Variants in DYNC1I1 observed in about 807,000 individuals in gnomAD.
DYNC1I1 encodes dynein cytoplasmic 1 intermediate chain 1.
In DYNC1I1, 43 loss-of-function variants were observed where a neutral mutation model predicts 86.6. That is an observed-to-expected ratio of 0.50 (90% confidence interval 0.39 to 0.64). DYNC1I1 has a LOEUF of 0.64. Among genes scored for constraint, DYNC1I1 ranks in the 30% least tolerant of loss-of-function variants. The pLI, the probability that DYNC1I1 is intolerant of heterozygous loss-of-function variation, is 0.00. For missense variants in DYNC1I1, 604 were observed against 788.8 expected, an observed-to-expected ratio of 0.77 and a Z score of 2.81; for synonymous variants, 262 against 283.7, an observed-to-expected ratio of 0.92 and a Z score of 0.77.
chr7:95,798,071 G>A (rs755198200), intron 1 of DYNC1I1, among the ~76,000 whole-genome samples: 3 of 151,766 alleles, frequency 2.0e-5, no homozygotes, highest in Non-Finnish European at 4.4e-5. Context: ...CATGATTAAT[G>A]TTAATAGATA....
chr7:95,940,164 T>C (rs944015133), intron 6 of DYNC1I1, among the ~76,000 whole-genome samples: 3 of 152,226 alleles, frequency 2.0e-5, no homozygotes, highest in African/African-American at 7.2e-5. Flanking sequence ...TGCCGAGAGA[T>C]CCGCTGTTAG....
chr7:96,063,111 G>A (rs28487944), intron 14 of DYNC1I1, among the ~76,000 whole-genome samples: 59 of 127,810 alleles, frequency 4.6e-4, no homozygotes, highest in African/African-American at 2.0e-3. Flanking sequence ...ATATATATGT[G>A]TGTGTGTGTG....
At chr7:95,883,676 C>T (rs1238257281) in intron 6 of DYNC1I1, among the ~76,000 whole-genome samples, 1 of 152,082 alleles carries the variant, frequency 6.6e-6, no homozygotes, top group Non-Finnish European at 1.5e-5. Context: ...AATATGTTGG[C>T]AGTGAGAGAT....
intron 7 of DYNC1I1, among the ~76,000 whole-genome samples, chr7:95,980,406 G>T (rs1324863276): frequency 1.3e-5 from 2 of 151,844 alleles, no homozygotes; most frequent in African/African-American, 4.8e-5. Context: ...ATAGTAGTTA[G>T]GGCTGTGTCA....
In DYNC1I1 at chr7:96,080,435, G is replaced by C. The variant is rs1790479500; in HGVS notation, c.1723G>C (p.Glu575Gln). Residue 575 changes from glutamate to glutamine, a missense_variant, in exon 16 of 17, where the codon GAA (glutamate) becomes CAA (glutamine). Transcript: ENST00000447467. ...TGTTCGTTGGGCCCAAGCTGGCAAA[G>C]AAGTTGCTGTTGGGGACTCGGAAGG... is the stretch of plus-strand genomic sequence containing the variant. Reference protein sequence around the residue: ...NRVRWAQAGKEVAVGDSEGRI... With the variant: ...NRVRWAQAGKQVAVGDSEGRI... 6.2e-7 allele frequency: 1 copy of C among 1,614,210 alleles called. No individual in the cohort carries two copies. The highest frequency in any genetic ancestry group is 8.5e-7 in the Non-Finnish European group (1 of 1,180,030).
chr7:96,028,416 A>C lies in DYNC1I1; in HGVS notation c.1116+95A>C, dbSNP rs886175566. 6.9e-6 allele frequency: 10 copies of C among 1,456,226 alleles called. No homozygotes were observed. In the African/African-American group the frequency reaches 1.4e-4, roughly 20 times the overall value. 90.2% of individuals were successfully genotyped at this position (1,456,226 alleles called of 1,614,324 possible). A position where few individuals can be genotyped will look rare whatever the true frequency, so the allele number is the denominator to read the frequency against. Reference sequence around the variant, plus strand: ...AAGTATGGATGTTTTCAGTAATGCCAAGTTAGGAGGATCTACTTTATTATG... The same window carrying C: ...AAGTATGGATGTTTTCAGTAATGCCCAGTTAGGAGGATCTACTTTATTATG... On this transcript the variant is annotated intron_variant, in intron 11 of 16. Transcript: ENST00000447467.
intron 6 of DYNC1I1, among the ~76,000 whole-genome samples, chr7:95,920,719 A>G (rs927809297): frequency 2.6e-5 from 4 of 152,218 alleles, no homozygotes; most frequent in African/African-American, 9.6e-5. Context: ...TTGATTTTTA[A>G]GAGATGACTT....
chr7:96,004,879 A>C (rs1794103579), intron 10 of DYNC1I1, among the ~76,000 whole-genome samples: 1 of 152,232 alleles, frequency 6.6e-6, no homozygotes, highest in African/African-American at 2.4e-5. Flanking sequence ...TTTAGAATTC[A>C]TAGTTAATTC....
chr7:95,957,750 A>T (rs942675604), intron 6 of DYNC1I1, among the ~76,000 whole-genome samples: 12 of 152,150 alleles, frequency 7.9e-5, no homozygotes, highest in African/African-American at 2.4e-4. Flanking sequence ...TGATTGTGGG[A>T]TTTATAAGAA....
chr7:95,994,907 G>T (rs562321007), intron 9 of DYNC1I1, among the ~76,000 whole-genome samples: 101 of 152,224 alleles, frequency 6.6e-4, no homozygotes, highest in African/African-American at 2.4e-3. Context: ...GAAAGGTATT[G>T]AGGAAATAGG....
At chr7:96,076,481 G>C (rs1224666836) in intron 15 of DYNC1I1, among the ~76,000 whole-genome samples, 1 of 152,134 alleles carries the variant, frequency 6.6e-6, no homozygotes, top group Non-Finnish European at 1.5e-5. Context: ...TTCCCTATGG[G>C]ACAGGACACA....
At chr7:95,793,032 G>A (rs113972490) in intron 1 of DYNC1I1, among the ~76,000 whole-genome samples, 321 of 152,188 alleles carry the variant, frequency 2.1e-3, no homozygotes, top group African/African-American at 7.2e-3. Context: ...TTTAAACAGT[G>A]TTCTGTCACC....
At chr7:96,063,794 A>G (rs1789866602) in intron 14 of DYNC1I1, among the ~76,000 whole-genome samples, 1 of 152,248 alleles carries the variant, frequency 6.6e-6, no homozygotes, top group African/African-American at 2.4e-5. Flanking sequence ...AATTCCACCC[A>G]TAAGAGCTAA....
rs575352714 is a variant in DYNC1I1 at position 95,782,132 on chromosome 7, G to C, written c.-10+9359G>C. On this transcript the variant is annotated intron_variant, in intron 1 of 16. Coordinates refer to ENST00000447467, the MANE Select transcript of DYNC1I1 (RefSeq NM_001135556.2). ...CAATCCCTGTGGTAAATTGCATACT[G>C]CATATTAAACCTCCTGGAAGTGACA... 5.9e-5 allele frequency among the ~76,000 whole-genome samples: 9 copies of C among 152,258 alleles called. No homozygotes were observed. The East Asian group carries it at 1.7e-3, about 29-fold the overall frequency.
chr7:96,086,456 A>T (rs42070), intron 16 of DYNC1I1, among the ~76,000 whole-genome samples: 61,553 of 152,070 alleles, frequency 0.4, 13,360 homozygotes, highest in Non-Finnish European at 0.49. Flanking sequence ...TAAAATGGAA[A>T]CTTAAAAACC....
chr7:95,820,930 G>T (rs373355883), intron 4 of DYNC1I1, among the ~76,000 whole-genome samples: 2 of 152,322 alleles, frequency 1.3e-5, no homozygotes, highest in East Asian at 1.9e-4. Flanking sequence ...CAGTATGGAA[G>T]TGAGTCTGAA....
chr7:95,984,513 A>T (rs987587249), intron 7 of DYNC1I1, among the ~76,000 whole-genome samples: 1 of 150,042 alleles, frequency 6.7e-6, no homozygotes, highest in East Asian at 1.9e-4. Flanking sequence ...TTTTCAAGTT[A>T]AAAAAAACAT....
At chr7:96,034,783 T>C (rs373299778) in intron 12 of DYNC1I1, among the ~76,000 whole-genome samples, 2 of 152,294 alleles carry the variant, frequency 1.3e-5, no homozygotes, top group East Asian at 3.9e-4. Flanking sequence ...ACTCCTTGGC[T>C]GAAATAGTTT....
chr7:96,034,212 G>A (rs774438803), intron 12 of DYNC1I1, among the ~76,000 whole-genome samples: 4 of 151,908 alleles, frequency 2.6e-5, no homozygotes, highest in South Asian at 2.1e-4. Context: ...CACTATTTTC[G>A]CTGATCTTTA....
Sources: gnomAD v4.1 joint callset for allele counts (sites outside exome capture counted in the v4.1 genomes callset) on GRCh38, gnomAD v4.1.1 for gene constraint, MANE v1.5 for transcripts, NCBI Gene and HGNC (gene_info 2026-07-23, HGNC 2026-07-21) for gene names.